Variants in CCDC158 observed in about 807,000 individuals in gnomAD.
The protein encoded by CCDC158 is coiled-coil domain-containing protein 158.
In CCDC158, 116 loss-of-function variants were observed where a neutral mutation model predicts 138.6. The observed-to-expected ratio is 0.84, with a 90% confidence interval of 0.72 to 0.98. The LOEUF (loss-of-function observed/expected upper bound fraction) is 0.98, where lower values mean the gene tolerates loss of function less well. Ranked by LOEUF, CCDC158 falls within the 50% of genes least tolerant of loss-of-function variation. The probability of loss-of-function intolerance (pLI) is 0.00; values close to 1 mark genes in which losing one functional copy is unlikely to be tolerated. For missense variants in CCDC158, 1,265 were observed against 1,306.1 expected (o/e 0.97, Z 0.48); for synonymous variants, 436 against 442.4 (o/e 0.99, Z 0.18).
intron 16 of CCDC158, 173 bp downstream of exon 16, chr4:76,352,950 T>G (rs1045886035): frequency 3.8e-6 from 2 of 524,560 alleles, no homozygotes; most frequent in Non-Finnish European, 6.2e-6. Flanking sequence ...CATTTTAAAA[T>G]TCAGAAACGC....
At chr4:76,364,898 C>A (rs1240258268) in intron 12 of CCDC158, among the ~76,000 whole-genome samples, 1 of 152,182 alleles carries the variant, frequency 6.6e-6, no homozygotes, top group African/African-American at 2.4e-5. Context: ...TGTCTCACTG[C>A]CCGCCTGTGA....
At chr4:76,348,375 T>G (rs1161275863) in intron 18 of CCDC158, among the ~76,000 whole-genome samples, 4 of 135,180 alleles carry the variant, frequency 3.0e-5, no homozygotes, top group Non-Finnish European at 4.6e-5. Context: ...GCGGAGCTTG[T>G]GGTGAGCTGA....
chr4:76,327,274 C>A (rs1052568055), intron 22 of CCDC158, among the ~76,000 whole-genome samples: 2 of 151,912 alleles, frequency 1.3e-5, no homozygotes, highest in Non-Finnish European at 2.9e-5. Context: ...CTTCCCCAAG[C>A]CAAAGATTAT....
At chr4:76,398,301 T>C (rs1221735310) in intron 3 of CCDC158, among the ~76,000 whole-genome samples, 1 of 152,148 alleles carries the variant, frequency 6.6e-6, no homozygotes, top group Non-Finnish European at 1.5e-5. Context: ...ACATATTAAT[T>C]ATAAAGGGGG....
At chr4:76,383,518 CA>C (rs1488229030) in intron 7 of CCDC158, 143 bp downstream of exon 7, 7 of 608,568 alleles carry the variant, frequency 1.2e-5, no homozygotes, top group Non-Finnish European at 2.1e-5. Flanking sequence ...GTCAGGAAAA[CA>C]AAATGTTAAC....
intron 18 of CCDC158, among the ~76,000 whole-genome samples, chr4:76,346,580 C>A (rs928669900): frequency 4.6e-5 from 7 of 152,056 alleles, no homozygotes; most frequent in African/African-American, 1.7e-4. Context: ...CATGGTGGCA[C>A]GTGCCTGTAG....
chr4:76,329,952 T>G (rs1018427284), intron 21 of CCDC158, among the ~76,000 whole-genome samples: 4 of 152,202 alleles, frequency 2.6e-5, no homozygotes, highest in Admixed American at 2.0e-4. Flanking sequence ...ATGTAAAACA[T>G]GTTTTCTCAA....
chr4:76,407,037 T>TA (rs1220558166), intron 2 of CCDC158, among the ~76,000 whole-genome samples: 1 of 152,048 alleles, frequency 6.6e-6, no homozygotes, highest in East Asian at 1.9e-4. Flanking sequence ...CTTCATTCTC[T>TA]AAAAAACAAA....
At chr4:76,398,413 T>A (rs968794628) in intron 3 of CCDC158, among the ~76,000 whole-genome samples, 1 of 152,150 alleles carries the variant, frequency 6.6e-6, no homozygotes, top group Non-Finnish European at 1.5e-5. Flanking sequence ...ATGGCTGTAA[T>A]CCTAGCACTT....
At chr4:76,377,666 G>C (rs1413773447) in intron 9 of CCDC158, among the ~76,000 whole-genome samples, 1 of 152,168 alleles carries the variant, frequency 6.6e-6, no homozygotes, top group Admixed American at 6.5e-5. Flanking sequence ...TAAAAAGCAG[G>C]CTTCAGAGAG....
intron 4 of CCDC158, among the ~76,000 whole-genome samples, chr4:76,395,672 TG>T (rs965376148): frequency 2.0e-5 from 3 of 152,106 alleles, no homozygotes; most frequent in African/African-American, 7.2e-5. Flanking sequence ...CAATGGAGAA[TG>T]GGTAGCATAT....
At chr4:76,356,429 C>T (rs1360997115) in intron 14 of CCDC158, among the ~76,000 whole-genome samples, 1 of 151,868 alleles carries the variant, frequency 6.6e-6, no homozygotes, top group African/African-American at 2.4e-5. Context: ...TGAATGAGAA[C>T]ACAAGGGTTC....
At chr4:76,420,932 A>G (rs536112608) in intron 1 of CCDC158, among the ~76,000 whole-genome samples, 33 bp downstream of exon 1, 2 of 151,988 alleles carry the variant, frequency 1.3e-5, no homozygotes, top group South Asian at 4.2e-4. Flanking sequence ...CCACCCCACC[A>G]TCCTCGTCTC....
At chr4:76,346,635 G>A (rs1036571524) in intron 18 of CCDC158, among the ~76,000 whole-genome samples, 35 of 152,270 alleles carry the variant, frequency 2.3e-4, no homozygotes, top group African/African-American at 6.5e-4. Flanking sequence ...ACTTGAACCC[G>A]GGAGGCGGAG....
rs956758124 is a variant in CCDC158, at chr4:76,324,414, T to C, written c.3170-1005A>G. Among the ~76,000 whole-genome samples the C allele has an allele frequency of 2.0e-5, 3 of 152,144 alleles. No individual in the cohort carries two copies. The East Asian group carries it at 5.8e-4, about 29-fold the overall frequency. On this transcript the variant is annotated intron_variant, in intron 23 of 24. Transcript: ENST00000682701. The stretch of plus-strand genomic sequence containing the variant: ...GTTGGTTAGGCTGGTCTTGAACTCC[T>C]GACCTCAGGTGATCCACCCACCTCA...
At chr4:76,357,242 A>T (rs892480440) in intron 14 of CCDC158, 132 bp downstream of exon 14, 1 of 491,676 alleles carries the variant, frequency 2.0e-6, no homozygotes. Context: ...ATTAATACCT[A>T]CTATTGTATA....
chr4:76,379,359 G>A lies in CCDC158; in HGVS notation c.960C>T (p.Ser320=), dbSNP rs749418319. Residue 320 remains serine (S), a synonymous_variant, in exon 9 of 25, where the codon AGC becomes AGT. Transcript: ENST00000682701. The part of the protein sequence containing the change: ...NQNSMYMRQL[S]DLESTVSQLR... ...GCTGAGAAACAGTAGATTCCAGATC[G>A]CTGAGCTGACGCATATACATAGAGT... 78 of 1,609,708 alleles carry A rather than the reference G, an allele frequency of 4.8e-5. No individual in the cohort carries two copies. The highest frequency in any genetic ancestry group is 4.0e-5 in the African/African-American group (3 of 74,792).
chr4:76,386,328 G>A (rs1726780338), intron 4 of CCDC158, among the ~76,000 whole-genome samples: 2 of 152,224 alleles, frequency 1.3e-5, no homozygotes, highest in Admixed American at 6.5e-5. Flanking sequence ...GGGAACATAA[G>A]GCTGATTCAC....
At chr4:76,400,825 G>T (rs1294345017) in intron 3 of CCDC158, among the ~76,000 whole-genome samples, 1 of 152,178 alleles carries the variant, frequency 6.6e-6, no homozygotes, top group Non-Finnish European at 1.5e-5. Context: ...TAAGGATTTG[G>T]TTTTTCCTGT....
Sources: allele counts gnomAD v4.1 joint callset (sites outside exome capture counted in the v4.1 genomes callset), GRCh38; gene constraint gnomAD v4.1.1; transcripts MANE v1.5; gene names NCBI Gene and HGNC (gene_info 2026-07-23, HGNC 2026-07-21).